Variants in GDPD5 observed in about 807,000 individuals in gnomAD.
GDPD5 encodes the protein glycerophosphodiester phosphodiesterase domain containing 5.
Under a neutral mutation model 75.1 loss-of-function variants are expected in GDPD5, and 48 were observed. The ratio of observed to expected loss-of-function variants is 0.64; its 90% CI spans 0.51 to 0.81. The LOEUF (loss-of-function observed/expected upper bound fraction) is 0.81, where lower values mean the gene tolerates loss of function less well. GDPD5 is among the 40% of genes least tolerant of loss of function. GDPD5 has a pLI of 0.00. For missense variants in GDPD5, 706 were observed against 822.6 expected, an observed-to-expected ratio of 0.86 and a Z score of 1.73; for synonymous variants, 336 against 339.0, an observed-to-expected ratio of 0.99 and a Z score of 0.10.
chr11:75,437,905 C>G (rs1367843373), intron 15 of GDPD5: 1 of 152,256 alleles, frequency 6.6e-6, no homozygotes, highest in Non-Finnish European at 1.5e-5. Flanking sequence ...TCACTGGACT[C>G]TCACCCCTGT....
intron 2 of GDPD5, among the ~76,000 whole-genome samples, chr11:75,479,785 C>T (rs1949865297): frequency 6.6e-6 from 1 of 152,026 alleles, no homozygotes; most frequent in Admixed American, 6.6e-5. Context: ...CTAGAGACCT[C>T]GTATAAATGG....
At chr11:75,487,526 G>C (rs1051286026) in intron 2 of GDPD5, among the ~76,000 whole-genome samples, 1 of 152,226 alleles carries the variant, frequency 6.6e-6, no homozygotes, top group African/African-American at 2.4e-5. Flanking sequence ...TGAGGCTGGG[G>C]CTCAGCCAGA....
chr11:75,442,903 C>G, intron 11 of GDPD5: 1 of 618,806 alleles, frequency 1.6e-6, no homozygotes, highest in South Asian at 1.9e-5. Flanking sequence ...ATTCACTGCT[C>G]TCATCCCTGT....
chr11:75,510,455 C>T (rs1033646258), intron 1 of GDPD5, among the ~76,000 whole-genome samples: 2 of 152,226 alleles, frequency 1.3e-5, no homozygotes, highest in African/African-American at 4.8e-5. Context: ...GGTAAGCACC[C>T]ACTTGGCTGG....
intron 2 of GDPD5, chr11:75,479,292 C>T (rs1592116948): frequency 6.6e-6 from 1 of 152,340 alleles, no homozygotes; most frequent in Middle Eastern, 3.4e-3. Context: ...CACAGCTATA[C>T]TGAGGTGTCA....
intron 3 of GDPD5, among the ~76,000 whole-genome samples, chr11:75,472,717 C>T (rs1949696677): frequency 6.6e-6 from 1 of 152,162 alleles, no homozygotes; most frequent in Non-Finnish European, 1.5e-5. Context: ...CACATATGCT[C>T]AATCCTCCTT....
At chr11:75,501,632 G>C (rs914325877) in intron 1 of GDPD5, among the ~76,000 whole-genome samples, 3 of 152,202 alleles carry the variant, frequency 2.0e-5, no homozygotes, top group African/African-American at 7.2e-5. Flanking sequence ...ACAGCCACCT[G>C]AACAGTCTGG....
intron 3 of GDPD5, among the ~76,000 whole-genome samples, chr11:75,470,032 C>T (rs1475302210): frequency 6.6e-6 from 1 of 152,230 alleles, no homozygotes; most frequent in Non-Finnish European, 1.5e-5. Context: ...AGGGCAAACA[C>T]AGGTTGCTTA....
intron 2 of GDPD5, among the ~76,000 whole-genome samples, chr11:75,487,597 C>T (rs1434972352): frequency 6.6e-6 from 1 of 152,212 alleles, no homozygotes; most frequent in Non-Finnish European, 1.5e-5. Context: ...CACGGTGATG[C>T]CAGGGCCTCC....
intron 1 of GDPD5, among the ~76,000 whole-genome samples, chr11:75,498,744 C>T (rs1592141566): frequency 6.6e-6 from 1 of 152,190 alleles, no homozygotes; most frequent in Non-Finnish European, 1.5e-5. Context: ...AAGGCACTGC[C>T]CCTTGCTGAC....
At chr11:75,498,278 AG>A (rs1950247322) in intron 1 of GDPD5, among the ~76,000 whole-genome samples, 1 of 152,256 alleles carries the variant, frequency 6.6e-6, no homozygotes, top group South Asian at 2.1e-4. Context: ...CAGTACAGCC[AG>A]GAAGGGCAAC....
At chr11:75,516,451 C>T (rs1272761318) in intron 1 of GDPD5, among the ~76,000 whole-genome samples, 1 of 152,240 alleles carries the variant, frequency 6.6e-6, no homozygotes, top group Non-Finnish European at 1.5e-5. Context: ...CTGATGGCCC[C>T]TTTTGTAGTC....
chr11:75,455,573 G>A (rs1321912717), intron 6 of GDPD5, among the ~76,000 whole-genome samples: 2 of 152,152 alleles, frequency 1.3e-5, no homozygotes, highest in Non-Finnish European at 2.9e-5. Flanking sequence ...TTCCACATCC[G>A]TCTTCTAGCT....
intron 10 of GDPD5, 100 bp from the exon 11 acceptor site, chr11:75,443,386 A>C: frequency 7.2e-7 from 1 of 1,387,780 alleles, no homozygotes; most frequent in Non-Finnish European, 9.8e-7. Flanking sequence ...CCAGCACAGG[A>C]TCCCGGCTGG....
At chr11:75,447,404 G>A (rs482458) in intron 9 of GDPD5, among the ~76,000 whole-genome samples, 85,626 of 151,918 alleles carry the variant, frequency 0.56, 25,094 homozygotes, top group East Asian at 0.8. Flanking sequence ...GCATCTTTCT[G>A]AAGTCCTCAT....
chr11:75,455,526 C>T (rs1949267054), intron 6 of GDPD5, among the ~76,000 whole-genome samples: 1 of 152,222 alleles, frequency 6.6e-6, no homozygotes, highest in South Asian at 2.1e-4. Flanking sequence ...TCCACACAGC[C>T]CAACCCAGGC....
intron 16 of GDPD5, 132 bp from the exon 17 acceptor site, chr11:75,435,787 G>A (rs1206900282): frequency 3.5e-6 from 3 of 854,056 alleles, no homozygotes; most frequent in South Asian, 2.0e-5. Context: ...GGCTCAGGTC[G>A]ACATTGAGCC....
intron 3 of GDPD5, among the ~76,000 whole-genome samples, chr11:75,467,832 A>T (rs1378555068): frequency 6.6e-6 from 1 of 152,132 alleles, no homozygotes; most frequent in Non-Finnish European, 1.5e-5. Flanking sequence ...CCTCCGTAGC[A>T]ATCTGGGCAA....
intron 2 of GDPD5, among the ~76,000 whole-genome samples, chr11:75,480,580 C>T (rs1223429546): frequency 6.6e-6 from 1 of 152,150 alleles, no homozygotes; most frequent in Non-Finnish European, 1.5e-5. Flanking sequence ...CACCATGTTA[C>T]ATCCCCAAAG....
Sources: gnomAD v4.1 joint callset for allele counts (sites outside exome capture counted in the v4.1 genomes callset) on GRCh38, gnomAD v4.1.1 for gene constraint, MANE v1.5 for transcripts, NCBI Gene and HGNC (gene_info 2026-07-23, HGNC 2026-07-21) for gene names.